Variants in TMOD2 observed in about 807,000 individuals in gnomAD.
The protein encoded by TMOD2 is tropomodulin-2.
In TMOD2, 22 loss-of-function variants were observed where a neutral mutation model predicts 39.9. The ratio of observed to expected loss-of-function variants is 0.55; its 90% CI spans 0.39 to 0.79. The LOEUF is 0.79. Ranked by LOEUF, TMOD2 falls within the 30% of genes least tolerant of loss-of-function variation. TMOD2 has a pLI of 0.00. For missense variants in TMOD2, 386 were observed against 413.3 expected, an observed-to-expected ratio of 0.93 and a Z score of 0.57; for synonymous variants, 123 against 146.1, an observed-to-expected ratio of 0.84 and a Z score of 1.14.
chr15:51,752,795 G>T (rs1406092939), intron 1 of TMOD2: 1 of 152,222 alleles, frequency 6.6e-6, no homozygotes, highest in Non-Finnish European at 1.5e-5. Context: ...AGATTTTTCA[G>T]AGCTTCAGCA....
intron 3 of TMOD2, among the ~76,000 whole-genome samples, chr15:51,772,569 A>T: frequency 6.6e-6 from 1 of 152,174 alleles, no homozygotes; most frequent in East Asian, 1.9e-4. Flanking sequence ...GACAAAATAA[A>T]TGGAATCTTG....
intron 3 of TMOD2, among the ~76,000 whole-genome samples, chr15:51,770,623 A>T (rs2034857): frequency 2.6e-5 from 4 of 151,758 alleles, no homozygotes; most frequent in Non-Finnish European, 5.9e-5. Context: ...AGTGGATCAC[A>T]CATCATTGAG....
At chr15:51,776,832 C>G in intron 4 of TMOD2, 100 bp from the exon 5 acceptor site, 2 of 964,464 alleles carry the variant, frequency 2.1e-6, no homozygotes, top group Non-Finnish European at 3.3e-6. Flanking sequence ...AGGGACTTAT[C>G]TTTATGATGT....
rs138697458 is a variant in TMOD2, at chr15:51,793,329, A to T, written c.733-4868A>T. Among the ~76,000 whole-genome samples the T allele has an allele frequency of 2.4e-3, 372 of 152,348 alleles. 2 individuals carry two copies. Among genetic ancestry groups the T allele is most frequent in the African/African-American group, 8.5e-3 (354 of 41,574 alleles). On this transcript the variant is annotated intron_variant, in intron 7 of 9. Transcript: ENST00000249700. Reference sequence around the variant, plus strand: ...GTATTGTATTTAAACCAATATATCCAAAATGTAATTTGAAAATATAATGAG... The same window carrying T: ...GTATTGTATTTAAACCAATATATCCTAAATGTAATTTGAAAATATAATGAG...
At chr15:51,806,332 C>T (rs762142753) in intron 8 of TMOD2, 45 bp from the exon 9 acceptor site, 1 of 1,605,942 alleles carries the variant, frequency 6.2e-7, no homozygotes, top group Non-Finnish European at 8.5e-7. Context: ...ACTGTTTCCT[C>T]TTCCTTCTTG....
At chr15:51,779,767 A>G (rs1427799523) in intron 5 of TMOD2, among the ~76,000 whole-genome samples, 1 of 152,080 alleles carries the variant, frequency 6.6e-6, no homozygotes, top group Non-Finnish European at 1.5e-5. Flanking sequence ...TGCAGCCTCA[A>G]ACTCCTGGGA....
intron 4 of TMOD2, among the ~76,000 whole-genome samples, chr15:51,775,085 T>A (rs562393875): frequency 1.3e-5 from 2 of 152,162 alleles, no homozygotes; most frequent in Non-Finnish European, 2.9e-5. Context: ...TTCTGGAAGA[T>A]TGAAGGCAGC....
chr15:51,801,487 C>T (rs1307582332), intron 8 of TMOD2, among the ~76,000 whole-genome samples: 1 of 152,118 alleles, frequency 6.6e-6, no homozygotes, highest in Non-Finnish European at 1.5e-5. Flanking sequence ...ATAAAATAAT[C>T]TGTAAGACAG....
chr15:51,780,673 T>C (rs899821285), intron 5 of TMOD2, among the ~76,000 whole-genome samples: 8 of 152,210 alleles, frequency 5.3e-5, no homozygotes, highest in African/African-American at 7.2e-5. Flanking sequence ...TGAAGACTTA[T>C]TGTGGTGTCT....
chr15:51,791,759 G>A (rs995304766), intron 7 of TMOD2, among the ~76,000 whole-genome samples: 1 of 152,212 alleles, frequency 6.6e-6, no homozygotes, highest in Non-Finnish European at 1.5e-5. Flanking sequence ...ATGGGGAAAA[G>A]ATTCCCTATT....
At chr15:51,794,166 C>T (rs756738080) in intron 7 of TMOD2, among the ~76,000 whole-genome samples, 1 of 152,134 alleles carries the variant, frequency 6.6e-6, no homozygotes, top group Non-Finnish European at 1.5e-5. Context: ...TAGTGAGTCT[C>T]AGAGGCCAGA....
Position 51,773,831 on chromosome 15 carries a change from G to A in TMOD2, c.403G>A (p.Ala135Thr), listed in dbSNP as rs1206221960. 1.2e-6 allele frequency: 2 copies of A among 1,608,522 alleles called. No individual in the cohort carries two copies. Among genetic ancestry groups the A allele is most frequent in the Non-Finnish European group, 1.7e-6 (2 of 1,178,196 alleles). The change falls in exon 4 of 10, where the codon GCA becomes ACA. Residue 135 changes from alanine to threonine, a missense_variant. By Grantham distance (58) the Ala-to-Thr change is moderately conservative. Coordinates refer to ENST00000249700, the MANE Select transcript of TMOD2 (RefSeq NM_014548.4). ...CTCTGACACCGAACTCTATGATCTT[G>A]CAGGTTAGTCCTGAACTCTGGGAAC... ...SASDTELYDL[A>T]AVLGVHNLLN...
Position 51,808,512 on chromosome 15 carries a change from CTT to C in TMOD2, c.*59_*60del, listed in dbSNP as rs1416243091. On this transcript the variant is annotated 3_prime_UTR_variant, in exon 10 of 10. Transcript: ENST00000249700. Reference sequence around the variant, plus strand: ...GTATGGCCATTGAAAAACAAAAACTCTTCTTCTTCCCCATCAGGACCATTTTA... The same window carrying C: ...GTATGGCCATTGAAAAACAAAAACTCCTTCTTCCCCATCAGGACCATTTTA... 2.3e-5 allele frequency: 33 copies of C among 1,440,170 alleles called. No individual in the cohort carries two copies. The highest frequency in any genetic ancestry group is 1.1e-5 in the Non-Finnish European group (11 of 1,038,760). 89.2% of individuals were successfully genotyped at this position (1,440,170 alleles called of 1,614,324 possible).
chr15:51,805,482 C>G (rs2056116391), intron 8 of TMOD2, among the ~76,000 whole-genome samples: 2 of 152,126 alleles, frequency 1.3e-5, no homozygotes, highest in Admixed American at 1.3e-4. Flanking sequence ...TGAGAGACAA[C>G]AGCCCATAGG....
At chr15:51,764,909 C>G (rs933252299) in intron 1 of TMOD2, among the ~76,000 whole-genome samples, 4 of 152,204 alleles carry the variant, frequency 2.6e-5, no homozygotes, top group African/African-American at 9.7e-5. Context: ...TGTTTTCAAA[C>G]CTACTTTTTA....
At chr15:51,757,990 G>A (rs1271995249) in intron 1 of TMOD2, among the ~76,000 whole-genome samples, 1 of 152,062 alleles carries the variant, frequency 6.6e-6, no homozygotes, top group East Asian at 1.9e-4. Flanking sequence ...TGAGGCAAGA[G>A]GTTCACTTAA....
At position 51,812,851 on chromosome 15, in the gene TMOD2, G is replaced by A. The variant is rs1175673735; in HGVS notation, c.*4397G>A. 1 of 152,142 alleles carries A rather than the reference G, an allele frequency of 6.6e-6. No homozygotes were observed. The highest frequency in any genetic ancestry group is 1.5e-5 in the Non-Finnish European group (1 of 68,040). The allele number at this position is 152,142 out of a possible 1,614,324, so 9.4% of individuals were successfully genotyped here. A position where few individuals can be genotyped will look rare whatever the true frequency, so the allele number is the denominator to read the frequency against. Reference sequence around the variant, plus strand: ...AACTAAGAGGAAAGGTCCTAGCTCTGCCTTCCACTTGCAGCTTCCCTTTAC... The same window carrying A: ...AACTAAGAGGAAAGGTCCTAGCTCTACCTTCCACTTGCAGCTTCCCTTTAC... On this transcript the variant is annotated 3_prime_UTR_variant, in exon 10 of 10. Transcript: ENST00000249700.
rs535489082 is a variant in TMOD2, at chr15:51,752,118, G to T, written c.-70+406G>T. Reference sequence around the variant, plus strand: ...TGCATGTTTGGTGAGCTCCTGGAGCGGTATGCATCTCCCTGCCTCGTTCAG... The same window carrying T: ...TGCATGTTTGGTGAGCTCCTGGAGCTGTATGCATCTCCCTGCCTCGTTCAG... On this transcript the variant is annotated intron_variant, in intron 1 of 9. Transcript: ENST00000249700. Among the ~76,000 whole-genome samples the T allele has an allele frequency of 2.2e-4, 33 of 152,142 alleles. No individual in the cohort carries two copies. The South Asian group carries it at 6.2e-3, about 29-fold the overall frequency.
intron 1 of TMOD2, among the ~76,000 whole-genome samples, chr15:51,759,809 G>C (rs1262180530): frequency 6.6e-6 from 1 of 152,200 alleles, no homozygotes. Flanking sequence ...ACAAAGATGG[G>C]GGGAGGATTT....
Sources: allele counts gnomAD v4.1 joint callset (sites outside exome capture counted in the v4.1 genomes callset), GRCh38; gene constraint gnomAD v4.1.1; transcripts MANE v1.5; gene names NCBI Gene and HGNC (gene_info 2026-07-23, HGNC 2026-07-21).